NALF1: variants seen among roughly 807,000 people sequenced by gnomAD.
NALF1 encodes family with sequence similarity 155 member A.
In NALF1, 3 loss-of-function variants were observed where a neutral mutation model predicts 48.4. The ratio of observed to expected loss-of-function variants is 0.06; its 90% CI spans 0.03 to 0.16. NALF1 has a LOEUF of 0.16. Ranked by LOEUF, NALF1 falls within the 10% of genes least tolerant of loss-of-function variation. NALF1 has a pLI of 1.00. For missense variants in NALF1, 526 were observed against 571.5 expected (o/e 0.92, Z 0.81); for synonymous variants, 262 against 245.7 (o/e 1.07, Z -0.62).
In NALF1 at chr13:107,724,234, T is replaced by A. The variant is rs1876079958; in HGVS notation, c.915+141448A>T. 3.3e-5 allele frequency among the ~76,000 whole-genome samples: 5 copies of A among 152,280 alleles called. No homozygotes were observed. In the South Asian group the frequency reaches 1.0e-3, roughly 32 times the overall value. On this transcript the variant is annotated intron_variant, in intron 1 of 2. Coordinates refer to ENST00000375915, the MANE Select transcript of NALF1 (RefSeq NM_001080396.3). Reference sequence around the variant, plus strand: ...GATCTGCTTTTGTCAAGGTTTCAAATTTTGCTCTTTTTTAATTCTTCACTT... The same window carrying A: ...GATCTGCTTTTGTCAAGGTTTCAAAATTTGCTCTTTTTTAATTCTTCACTT...
In NALF1 at chr13:107,856,061, G is replaced by C. The variant is rs887986725; in HGVS notation, c.915+9621C>G. 7.2e-5 allele frequency among the ~76,000 whole-genome samples: 11 copies of C among 152,054 alleles called. No homozygotes were observed. The South Asian group carries it at 2.3e-3, about 32-fold the overall frequency. ...CTGGGACACAGGTATGCACCACCAT[G>C]CCCGGCTAATTTTTAAAAATTTTCT... On this transcript the variant is annotated intron_variant, in intron 1 of 2. Transcript: ENST00000375915.
chr13:107,643,611 T>A (rs535754371), intron 1 of NALF1, among the ~76,000 whole-genome samples: 2 of 151,008 alleles, frequency 1.3e-5, no homozygotes, highest in Non-Finnish European at 2.9e-5. Flanking sequence ...AGGGAACAAA[T>A]AAAGGGGGAG....
chr13:107,315,337 T>C (rs1197357076), intron 1 of NALF1, among the ~76,000 whole-genome samples: 1 of 152,068 alleles, frequency 6.6e-6, no homozygotes, highest in African/African-American at 2.4e-5. Flanking sequence ...CTAATACTCA[T>C]CCCATACCCA....
intron 1 of NALF1, among the ~76,000 whole-genome samples, chr13:107,468,205 A>C (rs1566354935): frequency 6.6e-6 from 1 of 152,240 alleles, no homozygotes; most frequent in African/African-American, 2.4e-5. Context: ...TCACAGAAGA[A>C]AATTGTAGCG....
At chr13:107,831,839 T>C (rs1879741961) in intron 1 of NALF1, among the ~76,000 whole-genome samples, 1 of 152,222 alleles carries the variant, frequency 6.6e-6, no homozygotes, top group South Asian at 2.1e-4. Context: ...TTTCAAAATA[T>C]TCCAGAGTTT....
chr13:107,608,961 C>T (rs2138430521), intron 1 of NALF1, among the ~76,000 whole-genome samples: 2 of 152,184 alleles, frequency 1.3e-5, no homozygotes, highest in East Asian at 3.9e-4. Flanking sequence ...CCGAGTGGGG[C>T]AGAGGCCTGC....
At chr13:107,726,913 T>TTGTGTGTGTGTGTGTG (rs1171461096) in intron 1 of NALF1, among the ~76,000 whole-genome samples, 2 of 126,400 alleles carry the variant, frequency 1.6e-5, no homozygotes, top group African/African-American at 6.0e-5. Flanking sequence ...CGGCAAATTC[T>TTGTGTGTGTGTGTGTG]TGTGTGTGTG....
At chr13:107,552,704 C>T (rs1410379944) in intron 1 of NALF1, among the ~76,000 whole-genome samples, 1 of 151,984 alleles carries the variant, frequency 6.6e-6, no homozygotes, top group Non-Finnish European at 1.5e-5. Flanking sequence ...ATGATTCGGA[C>T]TTTATTATAA....
chr13:107,759,498 G>A (rs1015285472), intron 1 of NALF1, among the ~76,000 whole-genome samples: 63 of 152,224 alleles, frequency 4.1e-4, no homozygotes, highest in South Asian at 1.5e-3. Context: ...GTGGGCCACC[G>A]CACCCTGTCT....
chr13:107,808,174 T>A (rs1202779346), intron 1 of NALF1, among the ~76,000 whole-genome samples: 1 of 152,032 alleles, frequency 6.6e-6, no homozygotes, highest in African/African-American at 2.4e-5. Context: ...GTATATATAT[T>A]TTTGTAAGGT....
At chr13:107,392,948 C>T (rs192663451) in intron 1 of NALF1, among the ~76,000 whole-genome samples, 4 of 152,076 alleles carry the variant, frequency 2.6e-5, no homozygotes, top group Non-Finnish European at 4.4e-5. Context: ...GATCTAACCA[C>T]AGTGGACATG....
chr13:107,425,067 A>AC lies in NALF1; in HGVS notation c.916-214313_916-214312insG, dbSNP rs566201056. Among the ~76,000 whole-genome samples the AC allele has an allele frequency of 3.9e-5, 6 of 152,336 alleles. No homozygotes were observed. The East Asian group carries it at 1.2e-3, about 29-fold the overall frequency. On this transcript the variant is annotated intron_variant, in intron 1 of 2. Transcript: ENST00000375915. ...CAAACCACGTCTTCTCTAGCAAATG[A>AC]AAGTCGTATTTTGCTCCTAATTTTT...
At chr13:107,236,719 AT>A (rs1566460155) in intron 1 of NALF1, among the ~76,000 whole-genome samples, 20 of 148,084 alleles carry the variant, frequency 1.4e-4, no homozygotes, top group African/African-American at 5.1e-4. Context: ...CTATCTATCT[AT>A]CTATCTATCT....
intron 1 of NALF1, among the ~76,000 whole-genome samples, chr13:107,444,654 T>C (rs1884618954): frequency 6.6e-6 from 1 of 152,218 alleles, no homozygotes; most frequent in East Asian, 1.9e-4. Flanking sequence ...AGTATGTTTA[T>C]ACAGCTTTTT....
chr13:107,554,813 T>C (rs967489761), intron 1 of NALF1, among the ~76,000 whole-genome samples: 1 of 152,122 alleles, frequency 6.6e-6, no homozygotes, highest in Non-Finnish European at 1.5e-5. Context: ...AATATTGCCC[T>C]TCCTCCCATG....
intron 1 of NALF1, among the ~76,000 whole-genome samples, chr13:107,727,901 T>A (rs912799624): frequency 1.4e-4 from 21 of 152,140 alleles, no homozygotes; most frequent in African/African-American, 4.8e-4. Flanking sequence ...AAAGAAGACA[T>A]TTATGTGGCC....
At chr13:107,292,003 T>C (rs1215264842) in intron 1 of NALF1, among the ~76,000 whole-genome samples, 1 of 152,174 alleles carries the variant, frequency 6.6e-6, no homozygotes, top group Admixed American at 6.5e-5. Context: ...ATGCATTGCT[T>C]AACAATGGGG....
intron 1 of NALF1, among the ~76,000 whole-genome samples, chr13:107,462,603 ACTGGCCCCTGC>A (rs1566352442): frequency 6.6e-6 from 1 of 152,212 alleles, no homozygotes; most frequent in Admixed American, 6.5e-5. Flanking sequence ...TTTCATGAGG[ACTGGCCCCTGC>A]CTGGCTCCTG....
chr13:107,702,079 A>T (rs540068671), intron 1 of NALF1, among the ~76,000 whole-genome samples: 26 of 152,338 alleles, frequency 1.7e-4, no homozygotes, highest in African/African-American at 6.0e-4. Flanking sequence ...ACTATATACT[A>T]AAACAGAGAA....
Sources: gnomAD v4.1 joint callset for allele counts (sites outside exome capture counted in the v4.1 genomes callset) on GRCh38, gnomAD v4.1.1 for gene constraint, MANE v1.5 for transcripts, NCBI Gene and HGNC (gene_info 2026-07-23, HGNC 2026-07-21) for gene names.